Variants in PLD1 observed in about 807,000 individuals in gnomAD.
The protein encoded by PLD1 is choline phosphatase 1.
Under a neutral mutation model 137.1 loss-of-function variants are expected in PLD1, and 112 were observed. The ratio of observed to expected loss-of-function variants is 0.82; its 90% CI spans 0.70 to 0.96. The LOEUF (loss-of-function observed/expected upper bound fraction) is 0.96. Ranked by LOEUF, PLD1 falls within the 40% of genes least tolerant of loss-of-function variation. PLD1 has a pLI of 0.00. For missense variants in PLD1, 1,321 were observed against 1,342.0 expected (o/e 0.98, Z 0.24); for synonymous variants, 431 against 454.7 (o/e 0.95, Z 0.66).
intron 1 of PLD1, among the ~76,000 whole-genome samples, chr3:171,746,869 C>T (rs1030619823): frequency 6.6e-6 from 1 of 152,192 alleles, no homozygotes; most frequent in Non-Finnish European, 1.5e-5. Context: ...CCAGCTGGGG[C>T]CCCCTTCAAT....
Position 171,601,156 on chromosome 3 carries a change from T to C in PLD1, c.*1922A>G, listed in dbSNP as rs1008214560. ...TAGTCCCAGCTCTACCATCTACACATTGAGTGGATTTAAGTGAGTTCTCAT... is the reference window on the plus strand; with the variant it reads ...TAGTCCCAGCTCTACCATCTACACACTGAGTGGATTTAAGTGAGTTCTCAT... On this transcript the variant is annotated 3_prime_UTR_variant, in exon 27 of 27. Transcript: ENST00000351298. The C allele has an allele frequency of 3.9e-5, 6 of 152,192 alleles. No homozygotes were observed. Among genetic ancestry groups the C allele is most frequent in the Admixed American group, 3.3e-4 (5 of 15,278 alleles). The allele number at this position is 152,192 out of a possible 1,614,324, so 9.4% of individuals were successfully genotyped here. A position where few individuals can be genotyped will look rare whatever the true frequency, so the allele number is the denominator to read the frequency against.
At chr3:171,611,230 T>C (rs1224040770) in intron 25 of PLD1, among the ~76,000 whole-genome samples, 1 of 152,170 alleles carries the variant, frequency 6.6e-6, no homozygotes, top group Non-Finnish European at 1.5e-5. Flanking sequence ...GTGGACTTCC[T>C]ACAAAGGCCT....
At chr3:171,801,926 C>A (rs1723665820) in intron 1 of PLD1, among the ~76,000 whole-genome samples, 1 of 152,196 alleles carries the variant, frequency 6.6e-6, no homozygotes. Flanking sequence ...GCAACTGAAA[C>A]AAGTTTTTGC....
intron 5 of PLD1, among the ~76,000 whole-genome samples, chr3:171,733,753 T>C (rs1560261518): frequency 6.6e-6 from 1 of 152,214 alleles, no homozygotes; most frequent in East Asian, 1.9e-4. Flanking sequence ...AGGTCTTCTA[T>C]AAACTGCTGA....
chr3:171,729,476 C>T (rs1016983322), intron 6 of PLD1, among the ~76,000 whole-genome samples: 7 of 152,152 alleles, frequency 4.6e-5, no homozygotes, highest in Middle Eastern at 3.2e-3. Context: ...TTCCACCCAT[C>T]CTTGTATTGT....
intron 1 of PLD1, among the ~76,000 whole-genome samples, chr3:171,743,828 G>A (rs568328054): frequency 6.6e-6 from 1 of 152,300 alleles, no homozygotes; most frequent in East Asian, 1.9e-4. Flanking sequence ...CTTTGGGGAG[G>A]AGGGTTAGAG....
chr3:171,810,321 G>A (rs1242176789), intron 1 of PLD1, 78 bp downstream of exon 1: 1 of 152,322 alleles, frequency 6.6e-6, no homozygotes, highest in Non-Finnish European at 1.5e-5. Flanking sequence ...GTTGGGCGGA[G>A]GAGGGACGGA....
At chr3:171,642,783 T>C in intron 23 of PLD1, 57 bp downstream of exon 23, 1 of 920,320 alleles carries the variant, frequency 1.1e-6, no homozygotes, top group South Asian at 1.4e-5. Flanking sequence ...TAATGATTAC[T>C]GATACCTCAC....
chr3:171,689,628 GTAGCTGGGACTATAGGCGTGTA>G (rs1714949850), intron 13 of PLD1, among the ~76,000 whole-genome samples: 1 of 152,120 alleles, frequency 6.6e-6, no homozygotes, highest in Non-Finnish European at 1.5e-5. Context: ...AGCCTCCTGA[GTAGCTGGGACTATAGGCGTGTA>G]CCACCATGCC....
intron 20 of PLD1, among the ~76,000 whole-genome samples, chr3:171,661,746 C>T (rs1016773858): frequency 4.6e-5 from 7 of 152,252 alleles, no homozygotes; most frequent in African/African-American, 1.2e-4. Flanking sequence ...CCAACCCAAG[C>T]GAAAACAAAA....
chr3:171,657,696 G>A (rs12107937), intron 21 of PLD1, among the ~76,000 whole-genome samples: 40,588 of 151,902 alleles, frequency 0.27, 5,907 homozygotes, highest in African/African-American at 0.35. Flanking sequence ...ATTCCCAGGA[G>A]AAAACAGGCA....
chr3:171,757,785 G>A (rs1269497398), intron 1 of PLD1, among the ~76,000 whole-genome samples: 1 of 152,122 alleles, frequency 6.6e-6, no homozygotes, highest in Non-Finnish European at 1.5e-5. Flanking sequence ...GAGATACCTC[G>A]CTCAAACACA....
At chr3:171,729,570 T>A (rs1718780011) in intron 6 of PLD1, among the ~76,000 whole-genome samples, 1 of 152,118 alleles carries the variant, frequency 6.6e-6, no homozygotes, top group Non-Finnish European at 1.5e-5. Context: ...AATTATCAGA[T>A]ACAAGGAAGG....
intron 11 of PLD1, among the ~76,000 whole-genome samples, chr3:171,704,643 AAAG>A (rs1270071651): frequency 1.3e-5 from 2 of 152,194 alleles, no homozygotes; most frequent in Admixed American, 6.5e-5. Context: ...AAAAAGATAT[AAAG>A]AAGAACCAAA....
chr3:171,654,300 CAAAAAAAAAA>C (rs35731319), intron 21 of PLD1: 2 of 114,162 alleles, frequency 1.8e-5, no homozygotes, highest in South Asian at 2.0e-4. Flanking sequence ...AAGACTGTCT[CAAAAAAAAAA>C]AAAAAAAAAA....
At chr3:171,654,483 T>C (rs760245336) in intron 21 of PLD1, among the ~76,000 whole-genome samples, 22 of 152,294 alleles carry the variant, frequency 1.4e-4, no homozygotes, top group Admixed American at 4.6e-4. Context: ...ATGCACTTTC[T>C]CACTTCCTGA....
intron 11 of PLD1, among the ~76,000 whole-genome samples, chr3:171,702,220 T>A (rs1285248929): frequency 6.6e-6 from 1 of 152,078 alleles, no homozygotes; most frequent in African/African-American, 2.4e-5. Flanking sequence ...AAGGATGGGC[T>A]CACATGTATA....
intron 6 of PLD1, among the ~76,000 whole-genome samples, chr3:171,727,176 G>A (rs1718582320): frequency 2.0e-5 from 3 of 152,104 alleles, no homozygotes; most frequent in Admixed American, 2.0e-4. Context: ...CAGGCAATGG[G>A]CAATGGGCAG....
intron 25 of PLD1, among the ~76,000 whole-genome samples, chr3:171,605,854 T>C (rs1578084850): frequency 6.6e-6 from 1 of 152,212 alleles, no homozygotes; most frequent in African/African-American, 2.4e-5. Context: ...TCCCACATAC[T>C]TGATAGGCTG....
Sources: gnomAD v4.1 joint callset for allele counts (sites outside exome capture counted in the v4.1 genomes callset) on GRCh38, gnomAD v4.1.1 for gene constraint, MANE v1.5 for transcripts, NCBI Gene and HGNC (gene_info 2026-07-23, HGNC 2026-07-21) for gene names.